The following TREH variants were observed in gnomAD, a reference collection of about 807,000 sequenced individuals.
TREH encodes trehalase, also known as alpha,alpha-trehalose glucohydrolase.
A neutral mutation model predicts 80.5 loss-of-function variants in TREH; 69 were observed. The ratio of observed to expected loss-of-function variants is 0.86; its 90% CI spans 0.71 to 1.05. TREH has a LOEUF of 1.05. TREH is among the 50% of genes least tolerant of loss of function. The pLI is 0.00. For synonymous variants in TREH, 309 were observed against 293.5 expected, an observed-to-expected ratio of 1.05 and a Z score of -0.54; for missense variants, 716 against 718.8, an observed-to-expected ratio of 1.00 and a Z score of 0.04.
intron 1 of TREH, among the ~76,000 whole-genome samples, chr11:118,670,532 T>C (rs1949421355): frequency 6.6e-6 from 1 of 152,252 alleles, no homozygotes; most frequent in African/African-American, 2.4e-5. Context: ...TAGGAGCTTT[T>C]AGCTCAATTC....
chr11:118,667,505 A>G (rs374268722), intron 1 of TREH, among the ~76,000 whole-genome samples: 1 of 152,078 alleles, frequency 6.6e-6, no homozygotes, highest in Admixed American at 6.5e-5. Flanking sequence ...GCCCAGCCCA[A>G]ATGGGTTTCT....
Position 118,662,861 on chromosome 11 carries a change from CA to C in TREH, c.423+19del, listed in dbSNP as rs1565526477. The C allele has an allele frequency of 3.8e-6, 6 of 1,560,748 alleles. No homozygotes were observed. Among genetic ancestry groups the C allele is most frequent in the Non-Finnish European group, 5.2e-6 (6 of 1,152,004 alleles). ...TCAGTTCCCTTGGTCAGGCCTTGGGCAGGCCCAGGACGCTGATACCTTCTTC... is the reference window on the plus strand; with the variant it reads ...TCAGTTCCCTTGGTCAGGCCTTGGGCGGCCCAGGACGCTGATACCTTCTTC... On this transcript the variant is annotated intron_variant, in intron 4 of 14. Transcript: ENST00000264029.
intron 11 of TREH, 108 bp downstream of exon 11, chr11:118,659,639 G>A (rs1949287763): frequency 7.0e-7 from 1 of 1,418,938 alleles, no homozygotes; most frequent in Non-Finnish European, 9.6e-7. Flanking sequence ...CCGCAGGCTG[G>A]GACAAGGGGC....
At chr11:118,660,173 G>C (rs542138933) in intron 10 of TREH, among the ~76,000 whole-genome samples, 3 of 152,338 alleles carry the variant, frequency 2.0e-5, no homozygotes, top group Admixed American at 2.0e-4. Flanking sequence ...GAGCTGATCT[G>C]TCCCCAGGGT....
chr11:118,676,273 A>G (rs1555146813), intron 1 of TREH, among the ~76,000 whole-genome samples: 1 of 152,170 alleles, frequency 6.6e-6, no homozygotes, highest in Non-Finnish European at 1.5e-5. Flanking sequence ...AACAAAAGCT[A>G]CCAAGAGCCT....
At position 118,658,278 on chromosome 11, in the gene TREH, G is replaced by A. The variant is rs781786580; in HGVS notation, c.*11C>T. Reference sequence around the variant, plus strand: ...GGCAGGAGCTGGGGCCAGGTGAGGAGAGGAGGGCTGTCACCATGGCAGGAG... The same window carrying A: ...GGCAGGAGCTGGGGCCAGGTGAGGAAAGGAGGGCTGTCACCATGGCAGGAG... On this transcript the variant is annotated 3_prime_UTR_variant, in exon 15 of 15. Coordinates refer to ENST00000264029, the MANE Select transcript of TREH (RefSeq NM_007180.3). 1 of 1,580,402 alleles carries A rather than the reference G, an allele frequency of 6.3e-7. No homozygotes were observed. The highest frequency in any genetic ancestry group is 1.8e-5 in the Admixed American group (1 of 54,168).
intron 1 of TREH, among the ~76,000 whole-genome samples, chr11:118,679,107 T>G (rs1949508401): frequency 6.6e-6 from 1 of 152,060 alleles, no homozygotes; most frequent in African/African-American, 2.4e-5. Context: ...CAGGGGGCGG[T>G]GGCTCACGCT....
Position 118,659,132 on chromosome 11 carries a change from C to T in TREH, c.1433-115G>A, listed in dbSNP as rs561368849. 2.6e-5 allele frequency: 30 copies of T among 1,158,816 alleles called. No homozygotes were observed. The East Asian group carries it at 3.3e-4, about 13-fold the overall frequency. 71.8% of individuals were successfully genotyped at this position (1,158,816 alleles called of 1,614,324 possible). On this transcript the variant is annotated intron_variant, in intron 12 of 14. Coordinates refer to ENST00000264029, the MANE Select transcript of TREH (RefSeq NM_007180.3). Reference sequence around the variant, plus strand: ...GAGGCCTGGGCCCTAAGACTTCCTTCCTGAGACCACAGGCCAAACTGCCCT... The same window carrying T: ...GAGGCCTGGGCCCTAAGACTTCCTTTCTGAGACCACAGGCCAAACTGCCCT...
chr11:118,675,954 C>T (rs1318202291), intron 1 of TREH, among the ~76,000 whole-genome samples: 1 of 152,196 alleles, frequency 6.6e-6, no homozygotes, highest in African/African-American at 2.4e-5. Context: ...CCATCCACCT[C>T]GGCCTCCCAA....
chr11:118,662,909 T>C lies in TREH; in HGVS notation c.395A>G (p.His132Arg), dbSNP rs1162438659. ...AKLRAWAGQL[H>R]QLWKKLGKKM... is the part of the protein sequence containing the mutation. ...CTTCCCCAGCTTCTTCCAGAGCTGA[T>C]GCAGCTGCCCTGCCCAGGCACGCAG... Residue 132 changes from histidine (H) to arginine (R), a missense_variant, in exon 4 of 15, where the codon CAT becomes CGT. Physicochemically the swap from His to Arg is conservative, Grantham distance 29 (BLOSUM62 0). Transcript: ENST00000264029. 11 of 1,603,202 alleles carry C rather than the reference T, an allele frequency of 6.9e-6. No homozygotes were observed. Among genetic ancestry groups the C allele is most frequent in the Non-Finnish European group, 9.4e-6 (11 of 1,174,722 alleles).
At chr11:118,660,782 A>G (rs782429475) in intron 9 of TREH, 49 bp from the exon 10 acceptor site, 1 of 1,546,972 alleles carries the variant, frequency 6.5e-7, no homozygotes, top group African/African-American at 1.4e-5. Context: ...CAGGATAGGC[A>G]GCCATTGACA....
intron 1 of TREH, among the ~76,000 whole-genome samples, chr11:118,665,484 C>CA (rs1254546414): frequency 1.3e-5 from 2 of 151,862 alleles, no homozygotes; most frequent in East Asian, 3.9e-4. Flanking sequence ...CTAAAAAGTA[C>CA]AAAAAATTAG....
intron 1 of TREH, among the ~76,000 whole-genome samples, chr11:118,676,036 T>C (rs1195904711): frequency 1.3e-5 from 2 of 152,236 alleles, no homozygotes; most frequent in Middle Eastern, 3.2e-3. Context: ...AGAGTTTTTA[T>C]TGGGGTTTCA....
intron 1 of TREH, among the ~76,000 whole-genome samples, chr11:118,678,231 G>A (rs1408465445): frequency 6.6e-6 from 1 of 152,084 alleles, no homozygotes; most frequent in Non-Finnish European, 1.5e-5. Flanking sequence ...CCACAATTCT[G>A]CTTACACATC....
chr11:118,670,543 C>T (rs1268531658), intron 1 of TREH, among the ~76,000 whole-genome samples: 2 of 152,118 alleles, frequency 1.3e-5, no homozygotes, highest in African/African-American at 4.8e-5. Context: ...AGCTCAATTC[C>T]CCAATACATG....
In TREH at chr11:118,661,951, G is replaced by A; in HGVS notation, c.463C>T (p.Leu155Phe). ...ATGAAGGGATGTTCTGAGTAGATGA[G>A]AGAGAACCGCTCAGGGTGGCTGAGA... is the stretch of plus-strand genomic sequence containing the variant. ...EVLSHPERFS[L>F]IYSEHPFIVP... The change falls in exon 5 of 15, where the codon CTC becomes TTC. Residue 155 changes from leucine to phenylalanine, a missense_variant. Physicochemically the swap from Leu to Phe is conservative, Grantham distance 22. Coordinates refer to ENST00000264029, the MANE Select transcript of TREH (RefSeq NM_007180.3). The surrounding 1 kb of genome is among the most constrained non-coding windows in gnomAD (Gnocchi z 4.2). 1 of 1,555,522 alleles carries A rather than the reference G, an allele frequency of 6.4e-7. No individual in the cohort carries two copies.
intron 1 of TREH, among the ~76,000 whole-genome samples, chr11:118,671,674 C>T (rs687190): frequency 0.55 from 84,016 of 151,886 alleles, 23,555 homozygotes; most frequent in East Asian, 0.72. Context: ...TAGAGAAAGA[C>T]ATCAATATCC....
At chr11:118,670,840 C>T (rs1431762032) in intron 1 of TREH, among the ~76,000 whole-genome samples, 1 of 152,144 alleles carries the variant, frequency 6.6e-6, no homozygotes, top group African/African-American at 2.4e-5. Flanking sequence ...AATGAAGAGG[C>T]GGTATCATCT....
chr11:118,679,494 C>G (rs1949512794), intron 1 of TREH, 45 bp downstream of exon 1: 1 of 1,450,064 alleles, frequency 6.9e-7, no homozygotes, highest in South Asian at 1.5e-5. Flanking sequence ...ATCCCAGCCT[C>G]CCTCTTATTG....
Sources: allele counts gnomAD v4.1 joint callset (sites outside exome capture counted in the v4.1 genomes callset), GRCh38; gene constraint gnomAD v4.1.1; non-coding constraint Gnocchi (gnomAD v3.1); transcripts MANE v1.5; gene names NCBI Gene and HGNC (gene_info 2026-07-23, HGNC 2026-07-21).